Variants in SHISA9 observed in about 807,000 individuals in gnomAD.
SHISA9 encodes the protein shisa family member 9.
A neutral mutation model predicts 38.0 loss-of-function variants in SHISA9; 13 were observed. The observed-to-expected ratio is 0.34, with a 90% CI of 0.22 to 0.54. The LOEUF (loss-of-function observed/expected upper bound fraction) is 0.54, where lower values mean the gene tolerates loss of function less well. SHISA9 is among the 20% of genes least tolerant of loss of function. The pLI is 0.91. For synonymous variants in SHISA9, 275 were observed against 242.0 expected (o/e 1.14, Z -1.27); for missense variants, 538 against 575.8 (o/e 0.93, Z 0.67).
intron 2 of SHISA9, among the ~76,000 whole-genome samples, chr16:13,077,842 G>T (rs1359014389): frequency 1.3e-5 from 2 of 152,076 alleles, no homozygotes; most frequent in Non-Finnish European, 1.5e-5. Context: ...ATTAATTGGG[G>T]GCAGAAAGTC....
intron 2 of SHISA9, among the ~76,000 whole-genome samples, chr16:13,190,087 T>C (rs2050868389): frequency 6.6e-6 from 1 of 152,058 alleles, no homozygotes; most frequent in Admixed American, 6.5e-5. Flanking sequence ...TAGTCTTTTT[T>C]TTTTTTTTAT....
the SHISA9 span, among the ~76,000 whole-genome samples, chr16:13,538,306 A>G: frequency 2.6e-5 from 4 of 152,164 alleles, no homozygotes; most frequent in Admixed American, 6.5e-5. Context: ...GGCAAAATAC[A>G]CTTTCTAGTC....
intron 2 of SHISA9, among the ~76,000 whole-genome samples, chr16:13,051,436 C>T (rs28637193): frequency 0.12 from 18,634 of 152,146 alleles, 2,549 homozygotes; most frequent in African/African-American, 0.33. Flanking sequence ...TGGATGGGGA[C>T]ACAGCAAAAC....
chr16:12,925,047 A>T (rs1182159082), intron 2 of SHISA9, among the ~76,000 whole-genome samples: 1 of 148,066 alleles, frequency 6.8e-6, no homozygotes, highest in Non-Finnish European at 1.5e-5. Flanking sequence ...TATTGGTGCG[A>T]AAGTTGGCTG....
intron 2 of SHISA9, among the ~76,000 whole-genome samples, chr16:13,021,714 G>T (rs1596591261): frequency 6.6e-6 from 1 of 152,268 alleles, no homozygotes; most frequent in African/African-American, 2.4e-5. Flanking sequence ...GAATCTCTAG[G>T]TATATTGGAT....
chr16:13,086,959 C>A (rs2073717921), intron 2 of SHISA9, among the ~76,000 whole-genome samples: 1 of 150,344 alleles, frequency 6.7e-6, no homozygotes, highest in African/African-American at 2.5e-5. Flanking sequence ...GCTATCCCTC[C>A]CCAAGCCCCC....
the SHISA9 span, among the ~76,000 whole-genome samples, chr16:13,316,412 A>T: frequency 6.6e-6 from 1 of 152,144 alleles, no homozygotes; most frequent in African/African-American, 2.4e-5. Context: ...CTTGTTCTTT[A>T]TTGAGTCCAA....
At chr16:13,518,378 C>A in the SHISA9 span, among the ~76,000 whole-genome samples, 4 of 152,158 alleles carry the variant, frequency 2.6e-5, no homozygotes, top group Admixed American at 1.3e-4. Context: ...GCAGTCACCC[C>A]ATGTTGACAC....
rs528381975 is a variant in SHISA9, at chr16:13,132,003, C to T, written c.692-71391C>T. Among the ~76,000 whole-genome samples the T allele has an allele frequency of 6.6e-5, 10 of 152,344 alleles. No homozygotes were observed. The East Asian group carries it at 1.9e-3, about 29-fold the overall frequency. ...CCTGACAGCTTTTTTCCTGCAAAAA[C>T]CTATACAAGTGCAAACTCCTTGCTT... is the stretch of plus-strand genomic sequence containing the variant. On this transcript the variant is annotated intron_variant, in intron 2 of 4. Transcript: ENST00000558583.
the SHISA9 span, among the ~76,000 whole-genome samples, chr16:13,381,037 T>C: frequency 2.0e-4 from 30 of 152,232 alleles, no homozygotes; most frequent in African/African-American, 7.0e-4. Flanking sequence ...CCATGGTGTA[T>C]ATGTGCCACA....
At chr16:13,281,150 A>C in the SHISA9 span, among the ~76,000 whole-genome samples, 2 of 151,848 alleles carry the variant, frequency 1.3e-5, no homozygotes, top group Non-Finnish European at 3.0e-5. Context: ...GATGGGAAAG[A>C]TGAAGAGACT....
At chr16:13,405,162 A>G in the SHISA9 span, among the ~76,000 whole-genome samples, 3 of 152,216 alleles carry the variant, frequency 2.0e-5, no homozygotes, top group South Asian at 2.1e-4. Flanking sequence ...TTATTATCCT[A>G]TAATTGGTTC....
chr16:13,550,713 A>C, the SHISA9 span, among the ~76,000 whole-genome samples: 1 of 152,248 alleles, frequency 6.6e-6, no homozygotes, highest in African/African-American at 2.4e-5. Flanking sequence ...GTAAGTATTC[A>C]CTGCGAATGG....
the SHISA9 span, among the ~76,000 whole-genome samples, chr16:13,359,484 G>GA: frequency 6.6e-6 from 1 of 152,068 alleles, no homozygotes; most frequent in Non-Finnish European, 1.5e-5. Flanking sequence ...CTCCATCTCA[G>GA]AAAAATAAAT....
chr16:13,505,167 G>A, the SHISA9 span, among the ~76,000 whole-genome samples: 39 of 152,332 alleles, frequency 2.6e-4, no homozygotes, highest in African/African-American at 8.4e-4. Flanking sequence ...CGAGAGGGGA[G>A]CAACCTGTTC....
chr16:13,113,233 A>G (rs1010752347), intron 2 of SHISA9, among the ~76,000 whole-genome samples: 1 of 149,080 alleles, frequency 6.7e-6, no homozygotes, highest in Non-Finnish European at 1.5e-5. Flanking sequence ...AAAAAAAAAA[A>G]TTGAGAACAT....
At chr16:13,391,494 C>G in the SHISA9 span, among the ~76,000 whole-genome samples, 6 of 152,156 alleles carry the variant, frequency 3.9e-5, no homozygotes, top group Non-Finnish European at 7.3e-5. Flanking sequence ...AAATCAGTCC[C>G]CAACGAATCT....
intron 2 of SHISA9, among the ~76,000 whole-genome samples, chr16:13,015,369 C>T (rs1027661424): frequency 2.0e-5 from 3 of 152,166 alleles, no homozygotes; most frequent in African/African-American, 7.2e-5. Context: ...AGTCTTGTGA[C>T]AATCTTGAAA....
At chr16:13,478,175 A>G in the SHISA9 span, among the ~76,000 whole-genome samples, 3 of 152,302 alleles carry the variant, frequency 2.0e-5, no homozygotes, top group Non-Finnish European at 4.4e-5. Flanking sequence ...TCTTGACGGC[A>G]TCTCATGTCT....
Sources: allele counts gnomAD v4.1 joint callset (sites outside exome capture counted in the v4.1 genomes callset), GRCh38; gene constraint gnomAD v4.1.1; transcripts MANE v1.5; gene names NCBI Gene and HGNC (gene_info 2026-07-23, HGNC 2026-07-21).